The following CDH8 variants were observed in gnomAD, a reference collection of about 807,000 sequenced individuals.
CDH8 encodes cadherin-8.
In CDH8, 17 loss-of-function variants were observed where a neutral mutation model predicts 68.1. That is an observed-to-expected ratio of 0.25 (90% CI 0.17 to 0.37). The LOEUF is 0.37. CDH8 is among the 10% of genes least tolerant of loss of function. The pLI, the probability that CDH8 is intolerant of heterozygous loss-of-function variation, is 1.00. For missense variants in CDH8, 763 were observed against 999.3 expected (o/e 0.76, Z 3.19); for synonymous variants, 372 against 365.1 (o/e 1.02, Z -0.21).
At position 61,852,898 on chromosome 16, in the gene CDH8, C is replaced by CCA. The variant is rs1217703798; in HGVS notation, c.667+4220_667+4221insTG. Reference sequence around the variant, plus strand: ...CCTTCCTTCCTTCCTTCCTTCCATTCTTCCTTCCTTCCTTCCTTCCTTCCC... The same window carrying CCA: ...CCTTCCTTCCTTCCTTCCTTCCATTCCATTCCTTCCTTCCTTCCTTCCTTCCC... On this transcript the variant is annotated intron_variant, in intron 4 of 11. Transcript: ENST00000577390. Among the ~76,000 whole-genome samples, 194 of 39,580 alleles carry CCA rather than the reference C, an allele frequency of 4.9e-3. 1 individual carries two copies. The highest frequency in any genetic ancestry group is 0.027 in the South Asian group (41 of 1,528). 26.0% of individuals were successfully genotyped at this position (39,580 alleles called of 152,430 possible).
intron 7 of CDH8, among the ~76,000 whole-genome samples, chr16:61,795,241 G>A (rs1359338515): frequency 3.9e-5 from 6 of 151,978 alleles, no homozygotes; most frequent in African/African-American, 1.2e-4. Flanking sequence ...AGAATTCAAA[G>A]TATCTGTATC....
chr16:61,667,947 A>G (rs67005884), intron 10 of CDH8, among the ~76,000 whole-genome samples: 32,396 of 151,856 alleles, frequency 0.21, 3,869 homozygotes, highest in Middle Eastern at 0.29. Flanking sequence ...AAATTACCTC[A>G]AAAAACAAGG....
At chr16:61,985,579 G>A (rs9746003) in intron 2 of CDH8, among the ~76,000 whole-genome samples, 1,696 of 152,256 alleles carry the variant, frequency 0.011, 33 homozygotes, top group African/African-American at 0.038. Context: ...CACAACCTCC[G>A]CCTCCTGGAT....
intron 2 of CDH8, among the ~76,000 whole-genome samples, chr16:61,903,374 A>C (rs914774585): frequency 3.3e-5 from 5 of 152,184 alleles, no homozygotes; most frequent in African/African-American, 1.2e-4. Flanking sequence ...CCCAGGCTGG[A>C]GTGCAGTGAC....
chr16:61,775,110 C>T (rs1220038347), intron 8 of CDH8, among the ~76,000 whole-genome samples: 1 of 152,064 alleles, frequency 6.6e-6, no homozygotes, highest in Admixed American at 6.6e-5. Flanking sequence ...ATGCCTATAA[C>T]CCCAGCATTT....
intron 2 of CDH8, among the ~76,000 whole-genome samples, chr16:61,909,291 G>A (rs1964120259): frequency 6.6e-6 from 1 of 152,124 alleles, no homozygotes; most frequent in Admixed American, 6.5e-5. Context: ...GTTTTTGGCT[G>A]TGGACACCTG....
At chr16:61,884,824 T>C (rs1963643688) in intron 3 of CDH8, among the ~76,000 whole-genome samples, 1 of 152,200 alleles carries the variant, frequency 6.6e-6, no homozygotes. Flanking sequence ...TATTGGTAGT[T>C]AAGTTTTTAG....
chr16:61,870,488 C>G (rs570383223), intron 3 of CDH8, among the ~76,000 whole-genome samples: 1 of 152,216 alleles, frequency 6.6e-6, no homozygotes, highest in East Asian at 1.9e-4. Context: ...AGAGAAGTTA[C>G]CTTGAGGAGC....
chr16:61,864,237 A>G (rs937373965), intron 3 of CDH8, among the ~76,000 whole-genome samples: 4 of 151,958 alleles, frequency 2.6e-5, no homozygotes, highest in Admixed American at 6.6e-5. Flanking sequence ...ACTGACTGTC[A>G]CATATTTCTA....
At chr16:62,017,408 C>G (rs535332206) in intron 2 of CDH8, among the ~76,000 whole-genome samples, 1 of 152,228 alleles carries the variant, frequency 6.6e-6, no homozygotes, top group African/African-American at 2.4e-5. Flanking sequence ...AGGCCGGGCA[C>G]AGTGGTTCAC....
intron 2 of CDH8, among the ~76,000 whole-genome samples, chr16:61,959,667 A>G (rs978576084): frequency 2.6e-5 from 4 of 151,168 alleles, no homozygotes; most frequent in African/African-American, 9.7e-5. Flanking sequence ...GGAAATGTTT[A>G]TTACACCTCA....
intron 2 of CDH8, among the ~76,000 whole-genome samples, chr16:62,018,885 G>A (rs562840380): frequency 6.6e-6 from 1 of 152,304 alleles, no homozygotes. Flanking sequence ...GATGCTGAAT[G>A]CCTGGCTGTT....
intron 2 of CDH8, among the ~76,000 whole-genome samples, chr16:62,015,662 A>G (rs1411394888): frequency 6.6e-6 from 1 of 152,206 alleles, no homozygotes; most frequent in African/African-American, 2.4e-5. Context: ...CGACCTTCGT[A>G]TGTTGAAGTT....
At chr16:61,937,210 A>G (rs1008751185) in intron 2 of CDH8, among the ~76,000 whole-genome samples, 1 of 152,190 alleles carries the variant, frequency 6.6e-6, no homozygotes, top group Admixed American at 6.5e-5. Context: ...TAGTATACTT[A>G]TACATTTGAA....
chr16:61,811,917 A>G (rs1179572967), intron 7 of CDH8, among the ~76,000 whole-genome samples: 2 of 152,218 alleles, frequency 1.3e-5, no homozygotes, highest in African/African-American at 2.4e-5. Context: ...GGCATTGCTA[A>G]TCAACAGGCA....
intron 3 of CDH8, among the ~76,000 whole-genome samples, chr16:61,880,587 C>G (rs1289874206): frequency 6.6e-6 from 1 of 152,128 alleles, no homozygotes; most frequent in Non-Finnish European, 1.5e-5. Flanking sequence ...TGAGAAATGA[C>G]TTCACAGTTG....
rs751545543 is a variant in CDH8, at chr16:61,653,944, T to G, written c.2064A>C (p.Pro688=). ...EAFDIATLQN[P]DGINGFLPRK... ...GGGGTAAAAATCCATTAATTCCATC[T>G]GGATTTTGTAAAGTTGCAATGTCAA... Residue 688 remains proline, a synonymous_variant, in exon 12 of 12, where the codon CCA becomes CCC. Coordinates refer to ENST00000577390, the MANE Select transcript of CDH8 (RefSeq NM_001796.5). 2.0e-5 allele frequency: 33 copies of G among 1,614,112 alleles called. No homozygotes were observed. The highest frequency in any genetic ancestry group is 2.7e-5 in the Non-Finnish European group (32 of 1,180,054).
chr16:62,019,285 C>T (rs1902015943), intron 2 of CDH8, among the ~76,000 whole-genome samples: 1 of 152,276 alleles, frequency 6.6e-6, no homozygotes, highest in African/African-American at 2.4e-5. Flanking sequence ...TAGCTGGTTC[C>T]TAATATGTAA....
At chr16:61,951,091 A>AATC (rs144502941) in intron 2 of CDH8, among the ~76,000 whole-genome samples, 9,585 of 151,356 alleles carry the variant, frequency 0.063, 563 homozygotes, top group East Asian at 0.22. Context: ...GATAACTAGT[A>AATC]ATCATCATCA....
Sources: gnomAD v4.1 joint callset for allele counts (sites outside exome capture counted in the v4.1 genomes callset) on GRCh38, gnomAD v4.1.1 for gene constraint, MANE v1.5 for transcripts, NCBI Gene and HGNC (gene_info 2026-07-23, HGNC 2026-07-21) for gene names.